The following PSMF1 variants were observed in gnomAD, a reference collection of about 807,000 sequenced individuals.
The protein encoded by PSMF1 is proteasome inhibitor subunit 1, also known as proteasome inhibitor PI31 subunit.
Under a neutral mutation model 29.3 loss-of-function variants are expected in PSMF1, and 30 were observed. The observed-to-expected ratio is 1.02, with a 90% CI of 0.77 to 1.39. PSMF1 has a LOEUF of 1.39. Among genes scored for constraint, PSMF1 ranks in the 40% most tolerant of loss-of-function variants. The pLI is 0.00. For synonymous variants in PSMF1, 134 were observed against 139.7 expected, an observed-to-expected ratio of 0.96 and a Z score of 0.29; for missense variants, 344 against 357.5, an observed-to-expected ratio of 0.96 and a Z score of 0.31.
intron 4 of PSMF1, among the ~76,000 whole-genome samples, chr20:1,145,307 G>T (rs753647220): frequency 6.6e-6 from 1 of 152,180 alleles, no homozygotes; most frequent in African/African-American, 2.4e-5. Context: ...AGTGGATCTA[G>T]CCCTGAGTGT....
rs879720716 is a variant in PSMF1 at position 1,169,722 on chromosome 20, C to G, written c.*4642C>G. 6.6e-5 allele frequency among the ~76,000 whole-genome samples: 10 copies of G among 152,240 alleles called. No individual in the cohort carries two copies. The highest frequency in any genetic ancestry group is 1.0e-4 in the Non-Finnish European group (7 of 68,042). On this transcript the variant is annotated 3_prime_UTR_variant, in exon 7 of 7. Coordinates refer to ENST00000335877, the MANE Select transcript of PSMF1 (RefSeq NM_006814.5). ...AAGTAGATGTCCTTCACACTGCCAT[C>G]TGGACACCACTCAGCTAGCTCATCC...
At chr20:1,150,130 T>C (rs956706221) in intron 4 of PSMF1, among the ~76,000 whole-genome samples, 1 of 150,396 alleles carries the variant, frequency 6.6e-6, no homozygotes, top group Admixed American at 6.6e-5. Context: ...TGGTGAGCCA[T>C]GATCACACTA....
upstream of PSMF1, chr20:1,118,004 A>G (rs948621280): frequency 5.9e-5 from 9 of 152,244 alleles, no homozygotes; most frequent in African/African-American, 2.2e-4. Context: ...AAATGGGGAT[A>G]ATAACGGTCC....
intron 4 of PSMF1, among the ~76,000 whole-genome samples, chr20:1,139,680 G>A (rs1326110664): frequency 6.6e-6 from 1 of 151,030 alleles, no homozygotes; most frequent in African/African-American, 2.4e-5. Context: ...GGGAGGCAGA[G>A]CTTGCAGTGA....
At chr20:1,149,403 C>T (rs1288842073) in intron 4 of PSMF1, among the ~76,000 whole-genome samples, 3 of 152,154 alleles carry the variant, frequency 2.0e-5, no homozygotes, top group Non-Finnish European at 2.9e-5. Context: ...GTATTTTGGT[C>T]ATTTGGAAAA....
At chr20:1,140,161 A>T (rs1475140021) in intron 4 of PSMF1, among the ~76,000 whole-genome samples, 1 of 152,234 alleles carries the variant, frequency 6.6e-6, no homozygotes, top group African/African-American at 2.4e-5. Flanking sequence ...AATCTCAAAG[A>T]AAAACAAAGT....
rs1435218040 is a variant in PSMF1, at chr20:1,167,582, C to T, written c.*2502C>T. On this transcript the variant is annotated 3_prime_UTR_variant, in exon 7 of 7. Transcript: ENST00000335877. ...TAAAGATTTTTTTTTTTTTTCTGGACAGTTCTCATAAGTGGAATCACTCAG... is the reference window on the plus strand; with the variant it reads ...TAAAGATTTTTTTTTTTTTTCTGGATAGTTCTCATAAGTGGAATCACTCAG... 6.6e-6 allele frequency: 1 copy of T among 151,318 alleles called. No homozygotes were observed. The highest frequency in any genetic ancestry group is 1.9e-4 in the East Asian group (1 of 5,184). 9.4% of individuals were successfully genotyped at this position (151,318 alleles called of 1,614,324 possible).
At chr20:1,151,325 C>T (rs1414187588) in intron 4 of PSMF1, among the ~76,000 whole-genome samples, 1 of 152,190 alleles carries the variant, frequency 6.6e-6, no homozygotes, top group Non-Finnish European at 1.5e-5. Context: ...CAGTAAGTAA[C>T]TTCACAACAG....
At chr20:1,125,241 A>T (rs1233059413) in intron 1 of PSMF1, among the ~76,000 whole-genome samples, 1 of 152,176 alleles carries the variant, frequency 6.6e-6, no homozygotes, top group East Asian at 1.9e-4. Flanking sequence ...TTAAACCAAC[A>T]CTGCAGATTC....
At chr20:1,125,722 G>A (rs374806133) in intron 2 of PSMF1, 72 bp downstream of exon 2, 10 of 1,537,200 alleles carry the variant, frequency 6.5e-6, no homozygotes, top group African/African-American at 2.7e-5. Context: ...CCCATTTAAC[G>A]GTACGAATCC....
rs750187501 is a variant in PSMF1, at chr20:1,168,582, G to C, written c.*3502G>C. On this transcript the variant is annotated 3_prime_UTR_variant, in exon 7 of 7. Transcript: ENST00000335877. Reference sequence around the variant, plus strand: ...GAGTCTCTTGAGACTGAAACTCCAAGAATGTATTGTGCTCACAGTGGCGAT... The same window carrying C: ...GAGTCTCTTGAGACTGAAACTCCAACAATGTATTGTGCTCACAGTGGCGAT... Among the ~76,000 whole-genome samples, 2 of 152,206 alleles carry C rather than the reference G, an allele frequency of 1.3e-5. No individual in the cohort carries two copies. The highest frequency in any genetic ancestry group is 3.9e-4 in the East Asian group (2 of 5,194).
In PSMF1 at chr20:1,149,891, G is replaced by A. The variant is rs553102120; in HGVS notation, c.552-13239G>A. On this transcript the variant is annotated intron_variant, in intron 4 of 6. Coordinates refer to ENST00000335877, the MANE Select transcript of PSMF1 (RefSeq NM_006814.5). ...TCTCTATAAATTAGCTGGATGTGGTGGCGTGACCCTGGAGTCCCAACTACT... is the reference window on the plus strand; with the variant it reads ...TCTCTATAAATTAGCTGGATGTGGTAGCGTGACCCTGGAGTCCCAACTACT... 1.5e-3 allele frequency among the ~76,000 whole-genome samples: 232 copies of A among 152,132 alleles called. 1 individual carries two copies. Among genetic ancestry groups the A allele is most frequent in the African/African-American group, 5.4e-3 (224 of 41,406 alleles).
chr20:1,145,294 G>C (rs968315270), intron 4 of PSMF1, among the ~76,000 whole-genome samples: 4 of 152,128 alleles, frequency 2.6e-5, no homozygotes, highest in African/African-American at 9.7e-5. Context: ...TGTGTAGGGG[G>C]ACAGTGGATC....
chr20:1,144,302 A>T (rs2086421093), intron 4 of PSMF1, among the ~76,000 whole-genome samples: 1 of 152,208 alleles, frequency 6.6e-6, no homozygotes, highest in South Asian at 2.1e-4. Flanking sequence ...GTGCAGAAAA[A>T]CTGGATCATG....
intron 3 of PSMF1, among the ~76,000 whole-genome samples, chr20:1,131,591 C>A (rs1369233931): frequency 6.6e-6 from 1 of 152,190 alleles, no homozygotes; most frequent in East Asian, 1.9e-4. Flanking sequence ...GCCCTGTCTC[C>A]CTCCTATGCC....
intron 3 of PSMF1, among the ~76,000 whole-genome samples, chr20:1,133,228 A>C (rs570801103): frequency 2.0e-5 from 3 of 150,978 alleles, no homozygotes; most frequent in Non-Finnish European, 3.0e-5. Flanking sequence ...TTTTTTGTAA[A>C]TGTTCTTTAT....
At chr20:1,119,032 G>C in intron 1 of PSMF1, 130 bp downstream of exon 1, 1 of 1,305,760 alleles carries the variant, frequency 7.7e-7, no homozygotes, top group Non-Finnish European at 1.0e-6. Context: ...AGATGGCAGC[G>C]TTGGTAAAAC....
At chr20:1,136,513 CT>C (rs1298269200) in intron 4 of PSMF1, among the ~76,000 whole-genome samples, 3 of 152,190 alleles carry the variant, frequency 2.0e-5, no homozygotes, top group Non-Finnish European at 4.4e-5. Context: ...TGAAATATCC[CT>C]TACTATATTG....
chr20:1,116,049 T>TTTA (rs1555756137), upstream of PSMF1, among the ~76,000 whole-genome samples: 9 of 150,602 alleles, frequency 6.0e-5, no homozygotes, highest in Non-Finnish European at 5.9e-5. Flanking sequence ...TTTTTTTTTT[T>TTTA]AAACACTAGA....
Sources: gnomAD v4.1 joint callset for allele counts (sites outside exome capture counted in the v4.1 genomes callset) on GRCh38, gnomAD v4.1.1 for gene constraint, MANE v1.5 for transcripts, NCBI Gene and HGNC (gene_info 2026-07-23, HGNC 2026-07-21) for gene names.